The following RPS6KA6 variants were observed in gnomAD, a reference collection of about 807,000 sequenced individuals.
The protein encoded by RPS6KA6 is ribosomal protein S6 kinase alpha-6.
Under a neutral mutation model 65.4 loss-of-function variants are expected in RPS6KA6, and 27 were observed. The observed-to-expected ratio is 0.41, with a 90% CI of 0.30 to 0.57. The LOEUF (loss-of-function observed/expected upper bound fraction) is 0.57. Ranked by LOEUF, RPS6KA6 falls within the 20% of genes least tolerant of loss-of-function variation. The pLI, the probability that RPS6KA6 is intolerant of heterozygous loss-of-function variation, is 0.24. For synonymous variants in RPS6KA6, 190 were observed against 184.2 expected (o/e 1.03, Z -0.26); for missense variants, 486 against 555.6 (o/e 0.87, Z 1.26).
chrX:84,186,992 AAC>A (rs2035935560), intron 1 of RPS6KA6: 1 of 112,305 alleles, frequency 8.9e-6, no homozygotes. Context: ...GCCCAACCAG[AAC>A]AGTTTCAGAG....
chrX:84,170,776 T>G (rs2035671380), intron 1 of RPS6KA6, among the ~76,000 whole-genome samples: 1 of 112,052 alleles, frequency 8.9e-6, no homozygotes, highest in South Asian at 3.7e-4. Flanking sequence ...CACCTCTTGC[T>G]GTTTATGCCC....
intron 6 of RPS6KA6, among the ~76,000 whole-genome samples, chrX:84,141,577 A>G (rs2035104681): frequency 9.0e-6 from 1 of 111,077 alleles, no homozygotes; most frequent in Admixed American, 9.6e-5. Flanking sequence ...AAAGACGTGG[A>G]CTCTCAGATT....
intron 6 of RPS6KA6, among the ~76,000 whole-genome samples, chrX:84,137,427 C>T (rs1188544058): frequency 9.0e-6 from 1 of 111,544 alleles, no homozygotes; most frequent in Non-Finnish European, 1.9e-5. Flanking sequence ...ATATGTACAT[C>T]TTACTGATAT....
chrX:84,088,327 T>G (rs971740746), intron 20 of RPS6KA6, among the ~76,000 whole-genome samples: 2 of 112,071 alleles, frequency 1.8e-5, no homozygotes, highest in East Asian at 2.8e-4. Context: ...TGCTGTTGTT[T>G]TGTGTTGTTT....
At chrX:84,127,997 AG>A (rs2147496436) in intron 8 of RPS6KA6, among the ~76,000 whole-genome samples, 1 of 111,510 alleles carries the variant, frequency 9.0e-6, no homozygotes. Flanking sequence ...AGAAAGAAAA[AG>A]GGCATCCAAG....
At chrX:84,134,922 T>G (rs1443273939) in intron 7 of RPS6KA6, 103 bp from the exon 8 acceptor site, 2 of 642,797 alleles carry the variant, frequency 3.1e-6, no homozygotes, top group African/African-American at 4.6e-5. Context: ...CTATTTAATA[T>G]ATGTAAAAAA....
intron 6 of RPS6KA6, among the ~76,000 whole-genome samples, chrX:84,137,478 A>T (rs1049755628): frequency 2.3e-4 from 25 of 111,048 alleles, no homozygotes; most frequent in Middle Eastern, 4.6e-3. Context: ...ATTTTTTTTT[A>T]AAAATGGAAT....
At position 84,063,461 on chromosome X, in the gene RPS6KA6, C is replaced by A. The variant is rs1222921034; in HGVS notation, c.*816G>T. On this transcript the variant is annotated 3_prime_UTR_variant, in exon 22 of 22. Transcript: ENST00000262752. ...ACCAGGATAGTGTCAACACCACATA[C>A]TTCATTTTCAAAGGCTTAACTATGA... The A allele has an allele frequency of 4.5e-5, 5 of 111,301 alleles. No individual in the cohort carries two copies. The highest frequency in any genetic ancestry group is 9.6e-5 in the Admixed American group (1 of 10,449). 9.2% of individuals were successfully genotyped at this position (111,301 alleles called of 1,213,427 possible).
Position 84,156,087 on chromosome X carries a change from C to A in RPS6KA6, c.246G>T (p.Gly82=), listed in dbSNP as rs1327373785. Residue 82 remains glycine, a synonymous_variant, in exon 3 of 22, where the codon GGG becomes GGT. Coordinates refer to ENST00000262752, the MANE Select transcript of RPS6KA6 (RefSeq NM_014496.5). ...AATTATTCATTACCTTTCCAAATGACCCCTGACCAAGAACCTTGAGCAACT... is the reference window on the plus strand; with the variant it reads ...AATTATTCATTACCTTTCCAAATGAACCCTGACCAAGAACCTTGAGCAACT... ...QFELLKVLGQ[G]SFGKVFLVRK... is the part of the protein sequence containing the mutation. 1 of 1,165,799 alleles carries A rather than the reference C, an allele frequency of 8.6e-7. No homozygotes were observed. Among genetic ancestry groups the A allele is most frequent in the African/African-American group, 1.8e-5 (1 of 56,811 alleles).
At chrX:84,169,461 A>T (rs2035647209) in intron 1 of RPS6KA6, among the ~76,000 whole-genome samples, 1 of 111,189 alleles carries the variant, frequency 9.0e-6, no homozygotes, top group Non-Finnish European at 1.9e-5. Flanking sequence ...GATCCTTGGA[A>T]TTGGAGGTGG....
At position 84,117,106 on chromosome X, in the gene RPS6KA6, TTG is replaced by T; in HGVS notation, c.901_902del (p.Gln301LysfsTer14). Reference protein sequence around the residue: ...GMPQFLSAEAQSLLRMLFKRN... With the variant: ...GMPQFLSAEAXSLLRMLFKRN... ...TTTTGAATAACATCCTTAGAAGACT[TTG>T]TGCTTCAGCACTAAGAAATTGAGGC... On this transcript the variant is annotated frameshift_variant, in exon 11 of 22. Coordinates refer to ENST00000262752, the MANE Select transcript of RPS6KA6 (RefSeq NM_014496.5). LOFTEE classifies it high-confidence loss of function. 8.4e-7 allele frequency: 1 copy of T among 1,195,912 alleles called. No homozygotes were observed. The highest frequency in any genetic ancestry group is 1.1e-6 in the Non-Finnish European group (1 of 886,524).
chrX:84,081,876 C>T (rs1318575843), intron 20 of RPS6KA6, among the ~76,000 whole-genome samples: 1 of 111,128 alleles, frequency 9.0e-6, no homozygotes, highest in African/African-American at 3.3e-5. Flanking sequence ...CCAGAAAAGG[C>T]CTTCAACAAA....
chrX:84,134,635 C>A, intron 8 of RPS6KA6, 147 bp downstream of exon 8: 1 of 388,643 alleles, frequency 2.6e-6, no homozygotes, highest in Non-Finnish European at 4.4e-6. Flanking sequence ...GCAGTCTAAC[C>A]ATCAAGTAAC....
intron 1 of RPS6KA6, among the ~76,000 whole-genome samples, chrX:84,182,057 TCTCTCTCACA>T (rs1234982088): frequency 6.7e-4 from 66 of 98,418 alleles, no homozygotes; most frequent in African/African-American, 2.1e-3. Context: ...TCTCTCTCTC[TCTCTCTCACA>T]CACACACACA....
chrX:84,075,364 T>C lies in RPS6KA6; in HGVS notation c.1972-10253A>G, dbSNP rs767525582. On this transcript the variant is annotated intron_variant, in intron 20 of 21. Coordinates refer to ENST00000262752, the MANE Select transcript of RPS6KA6 (RefSeq NM_014496.5). ...CTTTCCAAAAAGAAACACGAGAGTA[T>C]AGAACAACAAAAGAGCAGTTTGAGT... 2.7e-3 allele frequency among the ~76,000 whole-genome samples: 301 copies of C among 111,428 alleles called. 2 individuals are homozygous for C. The highest frequency in any genetic ancestry group is 9.6e-3 in the African/African-American group (293 of 30,632).
intron 8 of RPS6KA6, among the ~76,000 whole-genome samples, chrX:84,127,809 G>T (rs2034824239): frequency 9.1e-6 from 1 of 109,411 alleles, no homozygotes; most frequent in Admixed American, 9.7e-5. Flanking sequence ...ATTGGGTATA[G>T]AAGGAACATG....
chrX:84,094,599 C>T (rs891702944), intron 20 of RPS6KA6, among the ~76,000 whole-genome samples: 5 of 109,936 alleles, frequency 4.5e-5, no homozygotes, highest in African/African-American at 1.3e-4. Flanking sequence ...GAGCCGAGAT[C>T]GCGCCACTGC....
intron 3 of RPS6KA6, among the ~76,000 whole-genome samples, chrX:84,154,667 C>A (rs1400237559): frequency 9.1e-6 from 1 of 110,095 alleles, no homozygotes; most frequent in African/African-American, 3.3e-5. Flanking sequence ...ATCACCACCA[C>A]CACCACCACC....
At chrX:84,079,496 G>A (rs1048821925) in intron 20 of RPS6KA6, among the ~76,000 whole-genome samples, 1 of 109,719 alleles carries the variant, frequency 9.1e-6, no homozygotes, top group Non-Finnish European at 1.9e-5. Context: ...CCCCTGGAAA[G>A]GGGGCTGAAG....
Sources: gnomAD v4.1 joint callset for allele counts (sites outside exome capture counted in the v4.1 genomes callset) on GRCh38, gnomAD v4.1.1 for gene constraint, MANE v1.5 for transcripts, NCBI Gene and HGNC (gene_info 2026-07-23, HGNC 2026-07-21) for gene names.